The following KAZN variants were observed in gnomAD, a reference collection of about 807,000 sequenced individuals.
The protein encoded by KAZN is kazrin.
KAZN carries 40 observed loss-of-function variants against 87.4 expected under a neutral mutation model. The ratio of observed to expected loss-of-function variants is 0.46; its 90% CI spans 0.36 to 0.60. KAZN has a LOEUF of 0.60. Ranked by LOEUF, KAZN falls within the 20% of genes least tolerant of loss-of-function variation. KAZN has a pLI of 0.00. For missense variants in KAZN, 898 were observed against 1,073.9 expected, an observed-to-expected ratio of 0.84 and a Z score of 2.29; for synonymous variants, 466 against 458.3, an observed-to-expected ratio of 1.02 and a Z score of -0.22.
At chr1:14,865,807 T>C (rs751908459) in intron 1 of KAZN, among the ~76,000 whole-genome samples, 3 of 152,206 alleles carry the variant, frequency 2.0e-5, no homozygotes, top group Non-Finnish European at 4.4e-5. Flanking sequence ...TCCCAAGGTC[T>C]GATGTCCTGG....
intron 2 of KAZN, among the ~76,000 whole-genome samples, chr1:14,335,373 T>C (rs1657177262): frequency 6.6e-6 from 1 of 152,072 alleles, no homozygotes. Context: ...TGGCTAATTT[T>C]TGTATTTTTA....
At chr1:14,348,211 C>T (rs1173319773) in intron 2 of KAZN, among the ~76,000 whole-genome samples, 1 of 151,990 alleles carries the variant, frequency 6.6e-6, no homozygotes. Flanking sequence ...CCACCTTGCC[C>T]CAGTTAATTT....
upstream of KAZN, among the ~76,000 whole-genome samples, chr1:14,595,994 C>T (rs561606122): frequency 1.3e-5 from 2 of 152,148 alleles, no homozygotes; most frequent in Non-Finnish European, 2.9e-5. Context: ...TTTCTTTTCT[C>T]CTTATTAGAT....
At chr1:13,951,007 C>G (rs1557740975) in intron 1 of KAZN, among the ~76,000 whole-genome samples, 1 of 152,084 alleles carries the variant, frequency 6.6e-6, no homozygotes, top group Non-Finnish European at 1.5e-5. Flanking sequence ...GGGAAATGAC[C>G]CTGCCTGGAG....
intron 1 of KAZN, among the ~76,000 whole-genome samples, chr1:14,755,301 T>C (rs949758666): frequency 6.6e-6 from 1 of 152,044 alleles, no homozygotes; most frequent in South Asian, 2.1e-4. Flanking sequence ...ATTGCCATGC[T>C]TGTCCCTAAA....
At chr1:14,516,616 T>C (rs997299451) in intron 2 of KAZN, among the ~76,000 whole-genome samples, 6 of 152,252 alleles carry the variant, frequency 3.9e-5, no homozygotes, top group African/African-American at 4.8e-5. Context: ...GAGTGACTGA[T>C]GTTGGAGTCA....
chr1:14,248,509 G>A (rs889165984), intron 2 of KAZN, among the ~76,000 whole-genome samples: 5 of 152,242 alleles, frequency 3.3e-5, no homozygotes, highest in Non-Finnish European at 1.5e-5. Flanking sequence ...ACAGAGCAAA[G>A]CTGCTCCTAG....
At chr1:14,973,814 A>G (rs1201543602) in intron 2 of KAZN, among the ~76,000 whole-genome samples, 1 of 152,124 alleles carries the variant, frequency 6.6e-6, no homozygotes, top group Admixed American at 6.5e-5. Flanking sequence ...ACAAAGATCC[A>G]TTTCTTGTGG....
intron 2 of KAZN, among the ~76,000 whole-genome samples, chr1:14,555,732 T>C (rs1355513554): frequency 6.6e-6 from 1 of 152,206 alleles, no homozygotes; most frequent in Non-Finnish European, 1.5e-5. Context: ...TTGATTTCTG[T>C]TTGCTAGCCA....
intron 10 of KAZN, among the ~76,000 whole-genome samples, chr1:15,097,931 G>A (rs1423076134): frequency 1.3e-5 from 2 of 152,164 alleles, no homozygotes; most frequent in Non-Finnish European, 2.9e-5. Context: ...CTGCCTTTGT[G>A]TTAAAAACAA....
rs1353045370 is a variant in KAZN at position 13,993,456 on chromosome 1, TAATA to T, written c.91+99707_91+99710del. Among the ~76,000 whole-genome samples the T allele has an allele frequency of 5.3e-5, 8 of 152,362 alleles. No individual in the cohort carries two copies. The East Asian group carries it at 5.8e-4, about 11-fold the overall frequency. ...TTTTTAAAAGAAGTGAATTGTTCTA[TAATA>T]AATAAACAATTTCAACTGTATAGAA... On this transcript the variant is annotated intron_variant, in intron 1 of 16. Coordinates refer to the KAZN transcript ENST00000636203.
At chr1:14,314,000 G>T (rs549323195) in intron 2 of KAZN, among the ~76,000 whole-genome samples, 41 of 152,092 alleles carry the variant, frequency 2.7e-4, no homozygotes, top group Non-Finnish European at 5.1e-4. Flanking sequence ...GCAAATTACT[G>T]GTAAGTGGGT....
At chr1:14,843,685 T>C (rs1648308102) in intron 1 of KAZN, among the ~76,000 whole-genome samples, 1 of 152,224 alleles carries the variant, frequency 6.6e-6, no homozygotes, top group African/African-American at 2.4e-5. Flanking sequence ...ACTCTTAAGA[T>C]ATTTTAAATG....
intron 1 of KAZN, among the ~76,000 whole-genome samples, chr1:14,957,538 C>T (rs1513547): frequency 0.071 from 10,807 of 152,286 alleles, 1,297 homozygotes; most frequent in African/African-American, 0.25. Flanking sequence ...CGCTGGGGAG[C>T]GAGTGAGCCT....
At chr1:14,497,267 A>G (rs1389556968) in intron 2 of KAZN, among the ~76,000 whole-genome samples, 2 of 149,586 alleles carry the variant, frequency 1.3e-5, no homozygotes, top group East Asian at 2.0e-4. Context: ...TAAGAGATAT[A>G]AGAGAATGAC....
At chr1:14,446,119 C>A (rs1365786896) in intron 2 of KAZN, among the ~76,000 whole-genome samples, 2 of 152,140 alleles carry the variant, frequency 1.3e-5, no homozygotes, top group African/African-American at 4.8e-5. Flanking sequence ...TTACTTCAGC[C>A]CAGGAGGTCC....
chr1:14,599,860 A>G lies in KAZN; in HGVS notation c.226+637A>G, dbSNP rs569873358. 5.3e-5 allele frequency among the ~76,000 whole-genome samples: 8 copies of G among 152,216 alleles called. No individual in the cohort carries two copies. The East Asian group carries it at 1.5e-3, about 29-fold the overall frequency. On this transcript the variant is annotated intron_variant, in intron 1 of 14. Coordinates refer to ENST00000376030, the MANE Select transcript of KAZN (RefSeq NM_201628.3). This position sits in a 1 kb window ranked among gnomAD's most constrained non-coding sequence, Gnocchi z 4.4. Reference sequence around the variant, plus strand: ...AGAGCACTTTCCAGGGGGATACTGTAGACCTCAAAGGTTGAGCGGTAGAGA... The same window carrying G: ...AGAGCACTTTCCAGGGGGATACTGTGGACCTCAAAGGTTGAGCGGTAGAGA...
rs147411752 is a variant in KAZN at position 15,068,545 on chromosome 1, G to A, written c.1222+2792G>A. Among the ~76,000 whole-genome samples, 494 of 152,078 alleles carry A rather than the reference G, an allele frequency of 3.2e-3. 2 individuals carry two copies. Among genetic ancestry groups the A allele is most frequent in the African/African-American group, 0.011 (469 of 41,484 alleles). On this transcript the variant is annotated intron_variant, in intron 8 of 14. Coordinates refer to ENST00000376030, the MANE Select transcript of KAZN (RefSeq NM_201628.3). ...GGCGTGTTACTTCCCGCAGACCTCC[G>A]TGGACCTCTGCGCGTCCCACGATCC...
Position 14,213,769 on chromosome 1 carries a change from G to A in KAZN, c.249+33177G>A, listed in dbSNP as rs903651053. Among the ~76,000 whole-genome samples the A allele has an allele frequency of 2.0e-5, 3 of 152,302 alleles. No homozygotes were observed. The East Asian group carries it at 5.8e-4, about 29-fold the overall frequency. On this transcript the variant is annotated intron_variant, in intron 2 of 16. Coordinates refer to the KAZN transcript ENST00000636203. ...GGAGACTAGTCTATGTGGGAGCAGG[G>A]AAGATTAGAAGCAGGGGGTCTAGTT...
Sources: gnomAD v4.1 joint callset for allele counts (sites outside exome capture counted in the v4.1 genomes callset) on GRCh38, gnomAD v4.1.1 for gene constraint, Gnocchi (gnomAD v3.1) non-coding constraint, MANE v1.5 for transcripts, NCBI Gene and HGNC (gene_info 2026-07-23, HGNC 2026-07-21) for gene names.